CACNA1C: variants seen among roughly 807,000 people sequenced by gnomAD.
CACNA1C encodes calcium voltage-gated channel subunit alpha1 C, also known as voltage-dependent L-type calcium channel subunit alpha-1C.
In CACNA1C, 30 loss-of-function variants were observed where a neutral mutation model predicts 229.0. The observed-to-expected ratio is 0.13, with a 90% CI of 0.10 to 0.18. The LOEUF (loss-of-function observed/expected upper bound fraction) is 0.18. Among genes scored for constraint, CACNA1C ranks in the 10% least tolerant of loss-of-function variants. The pLI is 1.00. For synonymous variants in CACNA1C, 1,114 were observed against 1,132.5 expected (o/e 0.98, Z 0.33); for missense variants, 1,658 against 2,845.0 (o/e 0.58, Z 9.49).
At chr12:2,173,457 G>T (rs773422551) in intron 3 of CACNA1C, among the ~76,000 whole-genome samples, 1 of 152,172 alleles carries the variant, frequency 6.6e-6, no homozygotes, top group Non-Finnish European at 1.5e-5. Flanking sequence ...AAGGAAAGGC[G>T]GCAGATTATG....
intron 9 of CACNA1C, among the ~76,000 whole-genome samples, chr12:2,524,969 TAC>T (rs2099816171): frequency 1.3e-5 from 2 of 152,172 alleles, no homozygotes; most frequent in Admixed American, 1.3e-4. Flanking sequence ...CTGAGGGGGC[TAC>T]ATTTGCAAAG....
At chr12:2,413,900 G>A (rs2098836111) in intron 3 of CACNA1C, among the ~76,000 whole-genome samples, 1 of 152,178 alleles carries the variant, frequency 6.6e-6, no homozygotes, top group Non-Finnish European at 1.5e-5. Flanking sequence ...TAGGGAACAG[G>A]AGTTTTCCTC....
intron 3 of CACNA1C, among the ~76,000 whole-genome samples, chr12:2,393,218 G>A (rs944124487): frequency 1.3e-5 from 2 of 152,146 alleles, no homozygotes; most frequent in African/African-American, 2.4e-5. Flanking sequence ...CATAGAAGCC[G>A]CCTAGCAAAC....
chr12:2,265,706 C>G (rs966199706), intron 3 of CACNA1C, among the ~76,000 whole-genome samples: 1 of 152,222 alleles, frequency 6.6e-6, no homozygotes, highest in Non-Finnish European at 1.5e-5. Flanking sequence ...TGGAATGTGC[C>G]TGGTAGCAAG....
At position 2,115,239 on chromosome 12, in the gene CACNA1C, G is replaced by T. The variant is rs769703001; in HGVS notation, c.65G>T (p.Ser22Ile). ...EENHQGSNYGSPRPAHANMNA... is the reference protein window; with the variant it reads ...EENHQGSNYGIPRPAHANMNA... ...TTTGCCACAGGTTCCAACTATGGGA[G>T]CCCACGCCCCGCCCATGCCAACATG... The change falls in exon 2 of 47, where the codon AGC (serine) becomes ATC (isoleucine). Residue 22 changes from serine to isoleucine, a missense_variant. Around this residue, in one of 20 missense-constraint regions of CACNA1C, gnomAD observed 111 missense variants for 128.0 expected, o/e 0.87. Coordinates refer to ENST00000399655, the MANE Select transcript of CACNA1C (RefSeq NM_000719.7). The T allele has an allele frequency of 7.0e-6, 11 of 1,572,518 alleles. No individual in the cohort carries two copies. In the African/African-American group the frequency reaches 8.1e-5, roughly 12 times the overall value.
chr12:2,625,423 G>A (rs570993937), intron 29 of CACNA1C, among the ~76,000 whole-genome samples: 2 of 152,260 alleles, frequency 1.3e-5, no homozygotes, highest in East Asian at 1.9e-4. Flanking sequence ...AGGGTGCGTC[G>A]GCGATAACCC....
At chr12:2,393,832 G>T (rs985140072) in intron 3 of CACNA1C, among the ~76,000 whole-genome samples, 1 of 151,874 alleles carries the variant, frequency 6.6e-6, no homozygotes, top group African/African-American at 2.4e-5. Context: ...GGGATTGGTC[G>T]TGGAGGCTCA....
chr12:2,291,360 C>T (rs911406027), intron 3 of CACNA1C, among the ~76,000 whole-genome samples: 13 of 152,178 alleles, frequency 8.5e-5, no homozygotes, highest in Admixed American at 7.2e-4. Flanking sequence ...GGGCCTACTC[C>T]GCCGCAGAAT....
At chr12:2,550,511 G>A in intron 10 of CACNA1C, 1 of 1,339,600 alleles carries the variant, frequency 7.5e-7, no homozygotes, top group Non-Finnish European at 9.8e-7. Flanking sequence ...ACTGGCATGT[G>A]GGTCCTTACC....
chr12:2,135,497 C>T (rs1249545633), intron 3 of CACNA1C, among the ~76,000 whole-genome samples: 1 of 132,122 alleles, frequency 7.6e-6, no homozygotes, highest in Non-Finnish European at 1.6e-5. Flanking sequence ...TGTGGATGTC[C>T]TTTCTGTTTG....
chr12:1,974,544 G>A (rs958255132), intron 1 of CACNA1C, among the ~76,000 whole-genome samples: 6 of 152,060 alleles, frequency 3.9e-5, no homozygotes, highest in Non-Finnish European at 7.4e-5. Flanking sequence ...CTACTTGTTA[G>A]GCACTGGCAA....
intron 3 of CACNA1C, among the ~76,000 whole-genome samples, chr12:2,135,607 G>A (rs1310451577): frequency 5.1e-5 from 7 of 138,076 alleles, no homozygotes; most frequent in Non-Finnish European, 9.1e-5. Flanking sequence ...GTGCCTCCCA[G>A]TTAGGCTGCT....
chr12:2,097,334 G>A (rs989457296), intron 1 of CACNA1C, among the ~76,000 whole-genome samples: 4 of 151,812 alleles, frequency 2.6e-5, no homozygotes, highest in Admixed American at 6.6e-5. Context: ...TTTTAGTAGA[G>A]ACGGGGTTTC....
chr12:2,670,267 G>A (rs1189015495), intron 38 of CACNA1C, among the ~76,000 whole-genome samples: 3 of 152,084 alleles, frequency 2.0e-5, no homozygotes, highest in Admixed American at 6.5e-5. Flanking sequence ...CAGGCTGTCC[G>A]TCAGTGTGTT....
chr12:1,998,067 T>G (rs755838988), intron 1 of CACNA1C: 9 of 1,172,390 alleles, frequency 7.7e-6, no homozygotes, highest in Non-Finnish European at 1.1e-5. Context: ...GAATTATATA[T>G]AACTTCAATG....
At chr12:2,139,976 CA>C (rs1233798278) in intron 3 of CACNA1C, among the ~76,000 whole-genome samples, 1 of 151,020 alleles carries the variant, frequency 6.6e-6, no homozygotes, top group African/African-American at 2.4e-5. Context: ...GGGGTCTCAG[CA>C]GGGGCTTATC....
chr12:1,980,354 T>G (rs888442763), intron 1 of CACNA1C, among the ~76,000 whole-genome samples: 3 of 152,344 alleles, frequency 2.0e-5, no homozygotes, highest in Admixed American at 6.5e-5. Context: ...TCTTTTCATG[T>G]GACTATTGGT....
At chr12:2,381,176 A>G (rs970791836) in intron 3 of CACNA1C, among the ~76,000 whole-genome samples, 1 of 152,102 alleles carries the variant, frequency 6.6e-6, no homozygotes, top group East Asian at 1.9e-4. Context: ...GGAGGAAGGG[A>G]GGTTAGATCA....
At chr12:2,048,770 C>G (rs953255724), upstream of CACNA1C, among the ~76,000 whole-genome samples, 5 of 152,142 alleles carry the variant, frequency 3.3e-5, no homozygotes, top group Non-Finnish European at 7.4e-5. Context: ...GGGGAGGGCT[C>G]TGTGTCAAGA....
Sources: allele counts gnomAD v4.1 joint callset (sites outside exome capture counted in the v4.1 genomes callset), GRCh38; gene constraint gnomAD v4.1.1; regional missense constraint gnomAD v4.1.1; transcripts MANE v1.5; gene names NCBI Gene and HGNC (gene_info 2026-07-23, HGNC 2026-07-21).